The following AFAP1L2 variants were observed in gnomAD, a reference collection of about 807,000 sequenced individuals.
AFAP1L2 encodes the protein actin filament associated protein 1 like 2.
A neutral mutation model predicts 99.3 loss-of-function variants in AFAP1L2; 46 were observed. That is an observed-to-expected ratio of 0.46 (90% CI 0.37 to 0.59). AFAP1L2 has a LOEUF of 0.59. Among genes scored for constraint, AFAP1L2 ranks in the 20% least tolerant of loss-of-function variants. The pLI, the probability that AFAP1L2 is intolerant of heterozygous loss-of-function variation, is 0.00. For synonymous variants in AFAP1L2, 397 were observed against 419.1 expected, an observed-to-expected ratio of 0.95 and a Z score of 0.64; for missense variants, 959 against 1,034.9, an observed-to-expected ratio of 0.93 and a Z score of 1.01.
intron 1 of AFAP1L2, among the ~76,000 whole-genome samples, chr10:114,368,415 T>C (rs2053593477): frequency 6.6e-6 from 1 of 151,874 alleles, no homozygotes; most frequent in Non-Finnish European, 1.5e-5. Context: ...GTTTGGGGGT[T>C]CTGTTTGTTT....
intron 16 of AFAP1L2, 44 bp downstream of exon 16, chr10:114,299,216 G>A (rs1403557000): frequency 5.6e-6 from 9 of 1,609,138 alleles, no homozygotes; most frequent in African/African-American, 2.7e-5. Context: ...AAGCCTACAC[G>A]GCCCTCTGAG....
At chr10:114,392,019 A>T (rs1187100420) in intron 1 of AFAP1L2, among the ~76,000 whole-genome samples, 1 of 152,164 alleles carries the variant, frequency 6.6e-6, no homozygotes, top group African/African-American at 2.4e-5. Flanking sequence ...GTCCTGGTTC[A>T]GGGGTCTCAA....
chr10:114,282,649 C>T, the AFAP1L2 span: 2 of 1,298,936 alleles, frequency 1.5e-6, no homozygotes, highest in East Asian at 2.3e-5. Context: ...CTTTTACAAT[C>T]CTGGGACAGA....
intron 5 of AFAP1L2, among the ~76,000 whole-genome samples, chr10:114,317,247 A>C (rs2044289175): frequency 6.7e-6 from 1 of 149,968 alleles, no homozygotes; most frequent in Non-Finnish European, 1.5e-5. Flanking sequence ...CAACAGTGCC[A>C]GTGAAAATGT....
chr10:114,302,668 T>A (rs540417779), intron 11 of AFAP1L2, among the ~76,000 whole-genome samples, 184 bp from the exon 12 acceptor site: 6 of 152,190 alleles, frequency 3.9e-5, no homozygotes, highest in African/African-American at 1.4e-4. Flanking sequence ...CCAGATAATA[T>A]TTCCTGTCGT....
intron 1 of AFAP1L2, among the ~76,000 whole-genome samples, chr10:114,374,804 G>A (rs538692356): frequency 3.9e-4 from 57 of 146,834 alleles, no homozygotes; most frequent in Middle Eastern, 3.5e-3. Flanking sequence ...AGAGCTAGGC[G>A]TGTGGGATAG....
chr10:114,300,055 A>C, intron 15 of AFAP1L2, 139 bp downstream of exon 15: 1 of 1,237,374 alleles, frequency 8.1e-7, no homozygotes. Flanking sequence ...CTATCGTGGG[A>C]CTTGACCTTG....
chr10:114,337,864 A>G (rs2048215245), intron 2 of AFAP1L2, among the ~76,000 whole-genome samples: 1 of 152,152 alleles, frequency 6.6e-6, no homozygotes, highest in African/African-American at 2.4e-5. Context: ...GATTCCACTG[A>G]TGAATCCTTC....
the AFAP1L2 span, among the ~76,000 whole-genome samples, chr10:114,282,948 CCCT>C: frequency 6.6e-6 from 1 of 152,202 alleles, no homozygotes; most frequent in African/African-American, 2.4e-5. Flanking sequence ...AAGCCCATTT[CCCT>C]CCTCCATGTG....
intron 1 of AFAP1L2, among the ~76,000 whole-genome samples, chr10:114,392,739 T>C (rs1042601496): frequency 2.6e-5 from 4 of 152,192 alleles, no homozygotes; most frequent in African/African-American, 4.8e-5. Context: ...ACCACCTTTG[T>C]TATTTTTTCC....
chr10:114,388,285 G>C (rs1439956975), intron 1 of AFAP1L2, among the ~76,000 whole-genome samples: 1 of 150,914 alleles, frequency 6.6e-6, no homozygotes, highest in African/African-American at 2.5e-5. Flanking sequence ...CAGCCCTCAT[G>C]AACACACACA....
intron 5 of AFAP1L2, chr10:114,319,469 A>G: frequency 1.0e-6 from 1 of 977,446 alleles, no homozygotes; most frequent in South Asian, 1.5e-5. Flanking sequence ...GACAGGAAGA[A>G]GACAGTGGCC....
At chr10:114,339,503 G>A (rs2048471426) in intron 2 of AFAP1L2, among the ~76,000 whole-genome samples, 1 of 152,204 alleles carries the variant, frequency 6.6e-6, no homozygotes, top group African/African-American at 2.4e-5. Flanking sequence ...TGTGTCAAGT[G>A]ACCAGAGATT....
chr10:114,335,386 G>A (rs567941587), intron 2 of AFAP1L2, among the ~76,000 whole-genome samples: 12 of 152,164 alleles, frequency 7.9e-5, no homozygotes, highest in African/African-American at 2.7e-4. Context: ...GCCAAGGTGG[G>A]CGGATCACGA....
At chr10:114,307,933 ATTCGTATTGCACGTGGTCCAC>A in intron 9 of AFAP1L2, 24 bp from the exon 10 acceptor site, 1 of 1,607,188 alleles carries the variant, frequency 6.2e-7, no homozygotes, top group Admixed American at 1.7e-5. Context: ...ACAGAAAGCA[ATTCGTATTGCACGTGGTCCAC>A]CCACGTGCCC....
chr10:114,284,256 C>T, the AFAP1L2 span, among the ~76,000 whole-genome samples: 1 of 152,172 alleles, frequency 6.6e-6, no homozygotes, highest in East Asian at 1.9e-4. Flanking sequence ...CTGTCATTAC[C>T]TGTTGGGGAG....
intron 1 of AFAP1L2, among the ~76,000 whole-genome samples, chr10:114,349,504 G>A (rs538122962): frequency 6.8e-6 from 1 of 147,308 alleles, no homozygotes; most frequent in East Asian, 2.0e-4. Flanking sequence ...GATTGCTTGA[G>A]CCCAGGAGTT....
intron 1 of AFAP1L2, among the ~76,000 whole-genome samples, chr10:114,348,923 A>C (rs894524284): frequency 6.6e-6 from 1 of 152,210 alleles, no homozygotes; most frequent in East Asian, 1.9e-4. Context: ...TACCTAATAA[A>C]ATTATGTGTA....
chr10:114,281,663 G>C, the AFAP1L2 span: 1 of 888,168 alleles, frequency 1.1e-6, no homozygotes, highest in Non-Finnish European at 1.3e-6. Flanking sequence ...GTGGACACTT[G>C]TTGTGTGGAC....
Sources: gnomAD v4.1 joint callset for allele counts (sites outside exome capture counted in the v4.1 genomes callset) on GRCh38, gnomAD v4.1.1 for gene constraint, MANE v1.5 for transcripts, NCBI Gene and HGNC (gene_info 2026-07-23, HGNC 2026-07-21) for gene names.